Variants in ERC2 observed in about 807,000 individuals in gnomAD.
ERC2 encodes ELKS/RAB6-interacting/CAST family member 2, also known as ERC protein 2.
ERC2 carries 42 observed loss-of-function variants against 114.8 expected under a neutral mutation model. The observed-to-expected ratio is 0.37, with a 90% CI of 0.29 to 0.47. ERC2 has a LOEUF of 0.47. Among genes scored for constraint, ERC2 ranks in the 20% least tolerant of loss-of-function variants. The pLI, the probability that ERC2 is intolerant of heterozygous loss-of-function variation, is 0.99. For synonymous variants in ERC2, 454 were observed against 425.5 expected (o/e 1.07, Z -0.82); for missense variants, 939 against 1,150.7 (o/e 0.82, Z 2.66).
intron 14 of ERC2, among the ~76,000 whole-genome samples, chr3:55,880,182 T>C (rs1244916471): frequency 2.6e-5 from 4 of 152,190 alleles, no homozygotes; most frequent in Admixed American, 6.5e-5. Flanking sequence ...CACTAAGAGG[T>C]GCAAGCAAAT....
At chr3:55,699,218 T>C (rs1228104037) in intron 16 of ERC2, among the ~76,000 whole-genome samples, 160 bp downstream of exon 16, 1 of 152,210 alleles carries the variant, frequency 6.6e-6, no homozygotes, top group Admixed American at 6.5e-5. Context: ...GAAAAACATT[T>C]AGATTCCTTG....
intron 1 of ERC2, among the ~76,000 whole-genome samples, chr3:56,466,294 T>A (rs2063542547): frequency 6.6e-6 from 1 of 152,234 alleles, no homozygotes; most frequent in Non-Finnish European, 1.5e-5. Flanking sequence ...TATGTTCACA[T>A]CCAGGTACAA....
At chr3:55,762,965 C>T (rs2067547121) in intron 14 of ERC2, among the ~76,000 whole-genome samples, 1 of 152,098 alleles carries the variant, frequency 6.6e-6, no homozygotes. Context: ...AGGTGAAAGC[C>T]TGGCCCCACA....
At chr3:56,262,660 C>T (rs2053018858) in intron 3 of ERC2, among the ~76,000 whole-genome samples, 1 of 152,196 alleles carries the variant, frequency 6.6e-6, no homozygotes, top group Admixed American at 6.5e-5. Context: ...CACAGTTTCA[C>T]TTGTCACCTA....
At chr3:55,879,043 C>T (rs1431258968) in intron 14 of ERC2, among the ~76,000 whole-genome samples, 1 of 151,408 alleles carries the variant, frequency 6.6e-6, no homozygotes, top group Non-Finnish European at 1.5e-5. Context: ...TGTCCTAAAC[C>T]ATGCAGTAAC....
At chr3:55,848,788 C>G (rs1575831266) in intron 14 of ERC2, among the ~76,000 whole-genome samples, 1 of 152,080 alleles carries the variant, frequency 6.6e-6, no homozygotes, top group African/African-American at 2.4e-5. Context: ...CTCTAATAGC[C>G]CTTGCTCAAT....
chr3:56,079,497 GCAGTGAGA>G (rs1203160647), intron 7 of ERC2, among the ~76,000 whole-genome samples: 1 of 152,148 alleles, frequency 6.6e-6, no homozygotes, highest in Non-Finnish European at 1.5e-5. Flanking sequence ...AAAGGGGAAG[GCAGTGAGA>G]CAGGAGGCCA....
chr3:56,252,521 G>T (rs972144991), intron 3 of ERC2, among the ~76,000 whole-genome samples: 1 of 152,072 alleles, frequency 6.6e-6, no homozygotes, highest in Non-Finnish European at 1.5e-5. Flanking sequence ...TTGGGAGGCC[G>T]AGGTGGGCAG....
intron 14 of ERC2, among the ~76,000 whole-genome samples, chr3:55,791,201 G>A (rs2069985826): frequency 6.6e-6 from 1 of 152,142 alleles, no homozygotes; most frequent in African/African-American, 2.4e-5. Flanking sequence ...ATTGGGGCTG[G>A]GTAAACAGTT....
intron 14 of ERC2, among the ~76,000 whole-genome samples, chr3:55,836,816 C>G (rs62251598): frequency 0.11 from 16,540 of 152,112 alleles, 1,645 homozygotes; most frequent in African/African-American, 0.26. Context: ...AGTGAACAGG[C>G]AACCTATAAA....
At chr3:55,813,475 C>G (rs1486174879) in intron 14 of ERC2, among the ~76,000 whole-genome samples, 1 of 152,096 alleles carries the variant, frequency 6.6e-6, no homozygotes, top group African/African-American at 2.4e-5. Context: ...TCAGCTCATT[C>G]CTTGGTTCTG....
intron 14 of ERC2, among the ~76,000 whole-genome samples, chr3:55,796,695 G>A (rs916923876): frequency 1.3e-5 from 2 of 152,192 alleles, no homozygotes; most frequent in Non-Finnish European, 2.9e-5. Flanking sequence ...GAAGTGCTGG[G>A]ATTACAGGCA....
rs551670121 is a variant in ERC2 at position 55,828,457 on chromosome 3, TGGCAGCAGG to T, written c.2564+59923_2564+59931del. 7.1e-3 allele frequency among the ~76,000 whole-genome samples: 891 copies of T among 126,302 alleles called. 5 individuals are homozygous for T. Among genetic ancestry groups the T allele is most frequent in the African/African-American group, 0.024 (778 of 32,656 alleles). The allele number at this position is 126,302 out of a possible 152,430, so 82.9% of individuals were successfully genotyped here. A position where few individuals can be genotyped will look rare whatever the true frequency, so the allele number is the denominator to read the frequency against. On this transcript the variant is annotated intron_variant, in intron 14 of 17. Coordinates refer to ENST00000288221, the MANE Select transcript of ERC2 (RefSeq NM_015576.3). ...GCTTTGCCTAAAGGCGGAGTGTAGC[TGGCAGCAGG>T]GGCAGCAGGGGCAGCAGGGGCAGCA...
chr3:55,900,646 G>A (rs922378684), intron 13 of ERC2, among the ~76,000 whole-genome samples: 1 of 152,164 alleles, frequency 6.6e-6, no homozygotes, highest in African/African-American at 2.4e-5. Flanking sequence ...TGCATCACAA[G>A]ATCTACCTTG....
chr3:56,274,604 T>C (rs1328617813), intron 3 of ERC2, among the ~76,000 whole-genome samples: 1 of 152,216 alleles, frequency 6.6e-6, no homozygotes, highest in East Asian at 1.9e-4. Context: ...CTAAAAACTG[T>C]CGTAACAAGT....
At chr3:55,753,092 G>A in intron 14 of ERC2, among the ~76,000 whole-genome samples, 1 of 152,082 alleles carries the variant, frequency 6.6e-6, no homozygotes, top group East Asian at 1.9e-4. Flanking sequence ...CACACTGCTG[G>A]AACTCCCCAA....
chr3:55,845,300 C>T (rs1369453477), intron 14 of ERC2, among the ~76,000 whole-genome samples: 1 of 151,946 alleles, frequency 6.6e-6, no homozygotes, highest in Non-Finnish European at 1.5e-5. Context: ...GTCAGGAGAT[C>T]GAGACCATCC....
intron 17 of ERC2, among the ~76,000 whole-genome samples, chr3:55,588,063 A>G (rs79254835): frequency 6.6e-6 from 1 of 152,166 alleles, no homozygotes; most frequent in Non-Finnish European, 1.5e-5. Context: ...AAGTTATCCA[A>G]GTGCCTAAAA....
chr3:55,813,490 C>T lies in ERC2; in HGVS notation c.2564+74899G>A, dbSNP rs148881475. Among the ~76,000 whole-genome samples the T allele has an allele frequency of 3.0e-3, 454 of 152,220 alleles. 3 individuals are homozygous for T. The highest frequency in any genetic ancestry group is 0.01 in the African/African-American group (433 of 41,522). ...TCAGCTCATTCCTTGGTTCTGTGCT[C>T]GTTCCCTTACTCCACACTGCTTCTC... On this transcript the variant is annotated intron_variant, in intron 14 of 17. Transcript: ENST00000288221.
Sources: allele counts gnomAD v4.1 joint callset (sites outside exome capture counted in the v4.1 genomes callset), GRCh38; gene constraint gnomAD v4.1.1; transcripts MANE v1.5; gene names NCBI Gene and HGNC (gene_info 2026-07-23, HGNC 2026-07-21).